Variants in ABCC9 observed in about 807,000 individuals in gnomAD.
ABCC9 encodes ATP binding cassette subfamily C member 9.
Under a neutral mutation model 188.3 loss-of-function variants are expected in ABCC9, and 95 were observed. That is an observed-to-expected ratio of 0.50 (90% CI 0.43 to 0.60). The LOEUF is 0.60. ABCC9 is among the 20% of genes least tolerant of loss of function. The probability of loss-of-function intolerance (pLI) is 0.00; values close to 1 mark genes in which losing one functional copy is unlikely to be tolerated. For synonymous variants in ABCC9, 659 were observed against 652.7 expected (o/e 1.01, Z -0.15); for missense variants, 1,102 against 1,876.3 (o/e 0.59, Z 7.62).
At chr12:21,939,583 A>G (rs1477604487) in intron 2 of ABCC9, among the ~76,000 whole-genome samples, 1 of 152,128 alleles carries the variant, frequency 6.6e-6, no homozygotes, top group Non-Finnish European at 1.5e-5. Flanking sequence ...GACATCCTTC[A>G]GCTCCACCCC....
At position 21,880,718 on chromosome 12, in the gene ABCC9, A is replaced by G. The variant is rs1946578933; in HGVS notation, c.2019+2048T>C. Reference sequence around the variant, plus strand: ...AACACGTGGCAAAAAAATGAGAAGCATTTTTTTGGTGAAGATGTAGAGCAA... The same window carrying G: ...AACACGTGGCAAAAAAATGAGAAGCGTTTTTTTGGTGAAGATGTAGAGCAA... On this transcript the variant is annotated intron_variant, in intron 16 of 39. Transcript: ENST00000261200. Among the ~76,000 whole-genome samples, 3 of 152,078 alleles carry G rather than the reference A, an allele frequency of 2.0e-5. No homozygotes were observed. The South Asian group carries it at 6.2e-4, about 32-fold the overall frequency.
At chr12:21,848,800 G>A (rs1244002990) in intron 24 of ABCC9, among the ~76,000 whole-genome samples, 3 of 150,658 alleles carry the variant, frequency 2.0e-5, no homozygotes, top group African/African-American at 7.3e-5. Flanking sequence ...AAGAAAATAG[G>A]CAATGAGGAT....
chr12:21,908,342 T>A, intron 10 of ABCC9, 131 bp from the exon 11 acceptor site: 1 of 1,143,190 alleles, frequency 8.7e-7, no homozygotes, highest in Non-Finnish European at 1.3e-6. Flanking sequence ...TCAACGGTAT[T>A]AGGGTTCTCT....
Position 21,897,202 on chromosome 12 carries a change from G to T in ABCC9, c.1619-1887C>A, listed in dbSNP as rs538510123. On this transcript the variant is annotated intron_variant, in intron 12 of 39. Transcript: ENST00000261200. ...GTTGAGCTTTATTTCATGTTTGTTGGCCACATAAATGTCTTCCTTTGAGAA... is the reference window on the plus strand; with the variant it reads ...GTTGAGCTTTATTTCATGTTTGTTGTCCACATAAATGTCTTCCTTTGAGAA... Among the ~76,000 whole-genome samples the T allele has an allele frequency of 2.0e-5, 3 of 152,124 alleles. No homozygotes were observed. The South Asian group carries it at 6.2e-4, about 32-fold the overall frequency.
intron 31 of ABCC9, among the ~76,000 whole-genome samples, chr12:21,820,523 C>G (rs1285407649): frequency 6.6e-6 from 1 of 151,718 alleles, no homozygotes; most frequent in African/African-American, 2.4e-5. Flanking sequence ...TATATAAAAC[C>G]TTATATATAG....
intron 4 of ABCC9, among the ~76,000 whole-genome samples, chr12:21,931,300 A>G (rs559198737): frequency 6.6e-6 from 1 of 152,110 alleles, no homozygotes; most frequent in Middle Eastern, 3.4e-3. Context: ...CCATATGAAG[A>G]AGGAATTGTT....
intron 30 of ABCC9, among the ~76,000 whole-genome samples, chr12:21,832,314 G>A (rs1197171787): frequency 1.3e-5 from 2 of 152,176 alleles, no homozygotes; most frequent in Non-Finnish European, 2.9e-5. Flanking sequence ...AGCCTCATCA[G>A]TAAATATTAA....
intron 14 of ABCC9, among the ~76,000 whole-genome samples, chr12:21,890,802 A>C (rs1225829958): frequency 6.7e-5 from 10 of 150,012 alleles, no homozygotes; most frequent in Non-Finnish European, 1.2e-4. Context: ...GGGGAACATC[A>C]CACACTGGGG....
At chr12:21,808,820 T>C (rs112967177) in intron 37 of ABCC9, among the ~76,000 whole-genome samples, 1 of 150,506 alleles carries the variant, frequency 6.6e-6, no homozygotes, top group Non-Finnish European at 1.5e-5. Context: ...TTATGGAAAG[T>C]TCATCCAGAG....
At chr12:21,809,446 C>G (rs1243569945) in intron 37 of ABCC9, among the ~76,000 whole-genome samples, 1 of 152,132 alleles carries the variant, frequency 6.6e-6, no homozygotes, top group East Asian at 1.9e-4. Flanking sequence ...GGCAAAATTG[C>G]CTTTCCCTAA....
intron 31 of ABCC9, among the ~76,000 whole-genome samples, chr12:21,822,703 A>G (rs926719809): frequency 2.0e-5 from 3 of 151,204 alleles, no homozygotes; most frequent in African/African-American, 7.3e-5. Flanking sequence ...AGGCAGAAGA[A>G]TCACTTGAAC....
In ABCC9 at chr12:21,931,333, G is replaced by GT. The variant is rs1178087897; in HGVS notation, c.284+2448dup. On this transcript the variant is annotated intron_variant, in intron 4 of 39. Coordinates refer to ENST00000261200, the MANE Select transcript of ABCC9 (RefSeq NM_020297.4). ...GTTTGCTTCCCTTTCTGCCATGATTGTAAGTTTCCTAAGGTCTCCCCAGCC... is the reference window on the plus strand; with the variant it reads ...GTTTGCTTCCCTTTCTGCCATGATTGTTAAGTTTCCTAAGGTCTCCCCAGCC... 4.6e-5 allele frequency among the ~76,000 whole-genome samples: 7 copies of GT among 151,494 alleles called. No individual in the cohort carries two copies. The East Asian group carries it at 1.2e-3, about 25-fold the overall frequency.
chr12:21,854,700 T>C lies in ABCC9; in HGVS notation c.2506-2195A>G, dbSNP rs1300417139. ...AGACACTAGCTCCTTGTCATTTAGC[T>C]CCTTTTAATAACAAGAAAAAAATAT... On this transcript the variant is annotated intron_variant, in intron 22 of 39. Transcript: ENST00000261200. Among the ~76,000 whole-genome samples, 5 of 152,206 alleles carry C rather than the reference T, an allele frequency of 3.3e-5. No individual in the cohort carries two copies. In the East Asian group the frequency reaches 7.7e-4, roughly 23 times the overall value.
chr12:21,908,167 AC>A lies in ABCC9; in HGVS notation c.1364del (p.Ser455MetfsTer45). ...VILLYNLLGS[S>X]ALVGAAVIVL... ...CAATGACAGCTGCACCGACCAATGC[AC>A]TTGATCCAAGTAAATTATAGAGCAG... On this transcript the variant is annotated frameshift_variant, in exon 11 of 40. Coordinates refer to ENST00000261200, the MANE Select transcript of ABCC9 (RefSeq NM_020297.4). LOFTEE classifies it high-confidence loss of function. The A allele has an allele frequency of 6.2e-7, 1 of 1,612,704 alleles. No individual in the cohort carries two copies. Among genetic ancestry groups the A allele is most frequent in the Non-Finnish European group, 8.5e-7 (1 of 1,179,060 alleles).
At chr12:21,854,854 A>G (rs1371718105) in intron 22 of ABCC9, among the ~76,000 whole-genome samples, 1 of 152,216 alleles carries the variant, frequency 6.6e-6, no homozygotes, top group African/African-American at 2.4e-5. Context: ...AAAGTCAAAG[A>G]ACCAATATAA....
intron 30 of ABCC9, among the ~76,000 whole-genome samples, chr12:21,830,315 G>C (rs1412741264): frequency 6.6e-6 from 1 of 152,078 alleles, no homozygotes; most frequent in Non-Finnish European, 1.5e-5. Context: ...TGGAAGGCTG[G>C]ATAATATAAT....
chr12:21,852,629 A>G, intron 22 of ABCC9, 124 bp from the exon 23 acceptor site: 1 of 1,201,142 alleles, frequency 8.3e-7, no homozygotes, highest in Non-Finnish European at 1.2e-6. Flanking sequence ...ATTTATTTAA[A>G]AAAAGGATAA....
intron 4 of ABCC9, among the ~76,000 whole-genome samples, chr12:21,927,430 G>A (rs922147309): frequency 3.9e-5 from 6 of 152,184 alleles, no homozygotes; most frequent in Admixed American, 3.9e-4. Context: ...AAAGTCAGGT[G>A]ACAGATGATA....
At chr12:21,909,414 A>T (rs4148657) in intron 10 of ABCC9, among the ~76,000 whole-genome samples, 93,756 of 151,708 alleles carry the variant, frequency 0.62, 29,202 homozygotes, top group East Asian at 0.8. Flanking sequence ...AAGATCTAGC[A>T]CTTAAGCTTC....
Sources: gnomAD v4.1 joint callset for allele counts (sites outside exome capture counted in the v4.1 genomes callset) on GRCh38, gnomAD v4.1.1 for gene constraint, MANE v1.5 for transcripts, NCBI Gene and HGNC (gene_info 2026-07-23, HGNC 2026-07-21) for gene names.